RAI1: variants seen among roughly 807,000 people sequenced by gnomAD.
The protein encoded by RAI1 is retinoic acid induced 1.
In RAI1, 9 loss-of-function variants were observed where a neutral mutation model predicts 123.8. That is an observed-to-expected ratio of 0.07 (90% CI 0.04 to 0.13). The LOEUF (loss-of-function observed/expected upper bound fraction) is 0.13, where lower values mean the gene tolerates loss of function less well. Among genes scored for constraint, RAI1 ranks in the 10% least tolerant of loss-of-function variants. RAI1 has a pLI of 1.00. For missense variants in RAI1, 2,256 were observed against 2,545.8 expected (o/e 0.89, Z 2.45); for synonymous variants, 1,231 against 1,127.3 (o/e 1.09, Z -1.84).
rs1301822213 is a variant in RAI1, at chr17:17,794,432, C to T, written c.1484C>T (p.Thr495Ile). The T allele has an allele frequency of 1.9e-6, 3 of 1,612,830 alleles. No individual in the cohort carries two copies. Among genetic ancestry groups the T allele is most frequent in the East Asian group, 2.2e-5 (1 of 44,900 alleles). The change falls in exon 3 of 6, where the codon ACA becomes ATA. Residue 495 changes from threonine to isoleucine, a missense_variant. This residue lies in a region of RAI1 where 357 missense variants were observed against 480.2 expected (regional missense o/e 0.74). Coordinates refer to ENST00000353383, the MANE Select transcript of RAI1 (RefSeq NM_030665.4). ...GSGYSAEPAG[T>I]PLSEPPSSTP... ...GGCTACTCAGCCGAGCCCGCAGGCACACCGCTGTCAGAGCCGCCGAGCAGC... is the reference window on the plus strand; with the variant it reads ...GGCTACTCAGCCGAGCCCGCAGGCATACCGCTGTCAGAGCCGCCGAGCAGC...
At chr17:17,693,418 C>T (rs1035454560) in intron 1 of RAI1, among the ~76,000 whole-genome samples, 1 of 152,236 alleles carries the variant, frequency 6.6e-6, no homozygotes, top group Admixed American at 6.5e-5. Context: ...CTGGCTGGGC[C>T]TCTCCAGCTC....
At chr17:17,790,168 T>C (rs1344275173) in intron 2 of RAI1, among the ~76,000 whole-genome samples, 1 of 151,824 alleles carries the variant, frequency 6.6e-6, no homozygotes, top group African/African-American at 2.4e-5. Context: ...ATCATAATAA[T>C]TAATAACAAC....
intron 2 of RAI1, among the ~76,000 whole-genome samples, chr17:17,730,787 C>A (rs1301741114): frequency 6.6e-6 from 1 of 152,230 alleles, no homozygotes; most frequent in African/African-American, 2.4e-5. Flanking sequence ...GACCGAGGCA[C>A]AAGATGAGAC....
At chr17:17,691,793 C>T (rs928831550) in intron 1 of RAI1, among the ~76,000 whole-genome samples, 6 of 152,172 alleles carry the variant, frequency 3.9e-5, no homozygotes, top group Non-Finnish European at 8.8e-5. Context: ...CCAGCAGGGC[C>T]AGGTGGGCAG....
At chr17:17,716,792 G>T (rs1915727095) in intron 1 of RAI1, among the ~76,000 whole-genome samples, 1 of 152,212 alleles carries the variant, frequency 6.6e-6, no homozygotes, top group African/African-American at 2.4e-5. Context: ...GCTGGACTCT[G>T]TTGTGGTCAC....
At chr17:17,717,667 T>G (rs533593043) in intron 1 of RAI1, among the ~76,000 whole-genome samples, 1 of 152,316 alleles carries the variant, frequency 6.6e-6, no homozygotes, top group African/African-American at 2.4e-5. Context: ...GCCAGCCTCC[T>G]GCCCCCCACC....
chr17:17,770,120 C>T (rs971949599), intron 2 of RAI1, among the ~76,000 whole-genome samples: 3 of 151,976 alleles, frequency 2.0e-5, no homozygotes, highest in African/African-American at 4.8e-5. Flanking sequence ...GGATTGCTGG[C>T]AGGAGGGCCT....
chr17:17,705,501 G>A (rs920105038), intron 1 of RAI1, among the ~76,000 whole-genome samples: 2 of 152,044 alleles, frequency 1.3e-5, no homozygotes, highest in African/African-American at 2.4e-5. Flanking sequence ...AGCTGAGATC[G>A]TGCCATTGCA....
Position 17,793,727 on chromosome 17 carries a change from G to A in RAI1, c.779G>A (p.Gly260Glu). The change falls in exon 3 of 6, where the codon GGG becomes GAG. Residue 260 changes from glycine (G) to glutamate (E), a missense_variant. Coordinates refer to ENST00000353383, the MANE Select transcript of RAI1 (RefSeq NM_030665.4). Reference sequence around the variant, plus strand: ...ACTGCCAGCTCCAGCCTGGCCCCGGGGCAGCGGGTCCAGAATCTTCATGCC... The same window carrying A: ...ACTGCCAGCTCCAGCCTGGCCCCGGAGCAGCGGGTCCAGAATCTTCATGCC... ...PLTASSSLAP[G>E]QRVQNLHAYQ... 1 of 1,612,868 alleles carries A rather than the reference G, an allele frequency of 6.2e-7. No homozygotes were observed. Among genetic ancestry groups the A allele is most frequent in the African/African-American group, 1.3e-5 (1 of 74,964 alleles).
chr17:17,782,721 G>A (rs993144893), intron 2 of RAI1, among the ~76,000 whole-genome samples: 2 of 151,944 alleles, frequency 1.3e-5, no homozygotes, highest in Non-Finnish European at 2.9e-5. Context: ...CCGCGGCCTG[G>A]AGGAAGAGGT....
chr17:17,717,055 T>C (rs949435248), intron 1 of RAI1, among the ~76,000 whole-genome samples: 2 of 152,070 alleles, frequency 1.3e-5, no homozygotes, highest in East Asian at 1.9e-4. Context: ...CAGAAGTCCA[T>C]TTGTGGAAGA....
At chr17:17,725,267 C>T (rs1004323972) in intron 2 of RAI1, among the ~76,000 whole-genome samples, 9 of 152,156 alleles carry the variant, frequency 5.9e-5, no homozygotes, top group Non-Finnish European at 1.3e-4. Flanking sequence ...CAGCCTCCTC[C>T]CCTCTGGTAC....
chr17:17,698,687 G>A (rs573820576), intron 1 of RAI1, among the ~76,000 whole-genome samples: 1 of 152,328 alleles, frequency 6.6e-6, no homozygotes, highest in African/African-American at 2.4e-5. Flanking sequence ...GCCCCTCTCA[G>A]CCCCTGAGCC....
chr17:17,708,411 TACACAC>T (rs912201848), intron 1 of RAI1, among the ~76,000 whole-genome samples: 1 of 131,378 alleles, frequency 7.6e-6, no homozygotes, highest in African/African-American at 3.0e-5. Flanking sequence ...TATATATATA[TACACAC>T]ACACACACAC....
intron 3 of RAI1, chr17:17,802,188 A>G (rs1376851249): frequency 6.4e-6 from 3 of 470,580 alleles, no homozygotes; most frequent in Admixed American, 4.7e-5. Flanking sequence ...GCAGCCCCCA[A>G]GCTCAGCAGA....
chr17:17,751,725 C>T (rs1264147693), intron 2 of RAI1, among the ~76,000 whole-genome samples: 1 of 152,190 alleles, frequency 6.6e-6, no homozygotes, highest in African/African-American at 2.4e-5. Context: ...GGGCCGATTC[C>T]TCCTTCTCCT....
At chr17:17,783,969 C>T (rs529816021) in intron 2 of RAI1, among the ~76,000 whole-genome samples, 2 of 152,246 alleles carry the variant, frequency 1.3e-5, no homozygotes, top group East Asian at 1.9e-4. Context: ...GAAGCAATTT[C>T]CTCCTCTCTC....
rs774618379 is a variant in RAI1, at chr17:17,800,946, G to A, written c.5565+2433G>A. On this transcript the variant is annotated intron_variant, in intron 3 of 5. Coordinates refer to ENST00000353383, the MANE Select transcript of RAI1 (RefSeq NM_030665.4). The surrounding 1 kb of genome is among the most constrained non-coding windows in gnomAD (Gnocchi z 4.7). ...TGAGAACTCCACAATGTCAAACCCC[G>A]TTAGCAGGATTGTGGGGTTCTGTGG... Among the ~76,000 whole-genome samples the A allele has an allele frequency of 1.2e-4, 18 of 152,282 alleles. No individual in the cohort carries two copies. Among genetic ancestry groups the A allele is most frequent in the Non-Finnish European group, 1.8e-4 (12 of 68,016 alleles).
In RAI1 at chr17:17,778,952, C is replaced by CA. The variant is rs774259143; in HGVS notation, c.-16-13980dup. The CA allele has an allele frequency of 6.6e-5, 30 of 456,066 alleles. No individual in the cohort carries two copies. In the Middle Eastern group the frequency reaches 9.7e-4, roughly 15 times the overall value. 28.3% of individuals were successfully genotyped at this position (456,066 alleles called of 1,614,324 possible). On this transcript the variant is annotated intron_variant, in intron 2 of 5. Coordinates refer to ENST00000353383, the MANE Select transcript of RAI1 (RefSeq NM_030665.4). ...GGGCCTGGGAAGAGGGGCCAGTGCA[C>CA]AGAGTATTCTGAACCGCAGAAAGTA...
Sources: gnomAD v4.1 joint callset for allele counts (sites outside exome capture counted in the v4.1 genomes callset) on GRCh38, gnomAD v4.1.1 for gene constraint, gnomAD v4.1.1 regional missense constraint, Gnocchi (gnomAD v3.1) non-coding constraint, MANE v1.5 for transcripts, NCBI Gene and HGNC (gene_info 2026-07-23, HGNC 2026-07-21) for gene names.